The following EPB41L3 variants were observed in gnomAD, a reference collection of about 807,000 sequenced individuals.
The protein encoded by EPB41L3 is band 4.1-like protein 3.
A neutral mutation model predicts 127.1 loss-of-function variants in EPB41L3; 57 were observed. The ratio of observed to expected loss-of-function variants is 0.45; its 90% CI spans 0.36 to 0.56. The LOEUF (loss-of-function observed/expected upper bound fraction) is 0.56, where lower values mean the gene tolerates loss of function less well. EPB41L3 is among the 20% of genes least tolerant of loss of function. The pLI, the probability that EPB41L3 is intolerant of heterozygous loss-of-function variation, is 0.00. For missense variants in EPB41L3, 1,273 were observed against 1,372.2 expected (o/e 0.93, Z 1.14); for synonymous variants, 572 against 549.5 (o/e 1.04, Z -0.57).
chr18:5,484,910 G>A (rs1599611430), intron 2 of EPB41L3, among the ~76,000 whole-genome samples: 1 of 150,490 alleles, frequency 6.6e-6, no homozygotes, highest in African/African-American at 2.4e-5. Flanking sequence ...AACATGTAAA[G>A]AAAACTAATA....
At position 5,543,679 on chromosome 18, in the gene EPB41L3, G is replaced by C. The variant is rs1362281359; in HGVS notation, c.-12+234C>G. ...CTGCGCCGCGGCGGGCGGAGCGGGC[G>C]GGGGGCGCGGCGCGCAGGCTCGGCC... is the stretch of plus-strand genomic sequence containing the variant. On this transcript the variant is annotated intron_variant, in intron 1 of 22. Transcript: ENST00000341928. The surrounding 1 kb of genome is among the most constrained non-coding windows in gnomAD (Gnocchi z 5.2). 1.4e-5 allele frequency among the ~76,000 whole-genome samples: 2 copies of C among 144,578 alleles called. No homozygotes were observed. Among genetic ancestry groups the C allele is most frequent in the Non-Finnish European group, 3.1e-5 (2 of 65,262 alleles). 94.8% of individuals were successfully genotyped at this position (144,578 alleles called of 152,430 possible).
intron 1 of EPB41L3, among the ~76,000 whole-genome samples, chr18:5,618,842 A>G (rs1279201160): frequency 6.6e-6 from 1 of 152,228 alleles, no homozygotes; most frequent in East Asian, 1.9e-4. Context: ...GCCCTAGTAG[A>G]ATGCATGTGC....
intron 3 of EPB41L3, among the ~76,000 whole-genome samples, chr18:5,594,949 C>A (rs1024164748): frequency 6.6e-6 from 1 of 152,168 alleles, no homozygotes; most frequent in African/African-American, 2.4e-5. Flanking sequence ...TGTTAAAAGA[C>A]TATAAGGCAA....
intron 1 of EPB41L3, among the ~76,000 whole-genome samples, chr18:5,536,516 AT>A (rs1433240399): frequency 2.8e-5 from 4 of 144,926 alleles, no homozygotes; most frequent in Admixed American, 1.4e-4. Flanking sequence ...AAAAAAAAAA[AT>A]TTGGCCTGGT....
upstream of EPB41L3, among the ~76,000 whole-genome samples, chr18:5,544,914 A>G (rs2093850125): frequency 6.6e-6 from 1 of 152,198 alleles, no homozygotes; most frequent in Admixed American, 6.5e-5. Context: ...ACATATATAC[A>G]TACTATGTAC....
At chr18:5,574,509 T>G (rs1293005399) in intron 3 of EPB41L3, among the ~76,000 whole-genome samples, 1 of 152,042 alleles carries the variant, frequency 6.6e-6, no homozygotes, top group Non-Finnish European at 1.5e-5. Context: ...CCTAATTTGA[T>G]TCCCTCTGTC....
Position 5,478,245 on chromosome 18 carries a change from A to G in EPB41L3, c.377T>C (p.Val126Ala), listed in dbSNP as rs751193433. The change falls in exon 3 of 23, where the codon GTA becomes GCA. Residue 126 changes from valine (V) to alanine (A), a missense_variant. Val to Ala is a moderately conservative substitution (Grantham distance 64). Coordinates refer to ENST00000341928, the MANE Select transcript of EPB41L3 (RefSeq NM_012307.5). Reference protein sequence around the residue: ...LLDGSEYTCDVEKRSRGQVLF... With the variant: ...LLDGSEYTCDAEKRSRGQVLF... ...AGTCTTAAGACACACACTTACCTCTACATCACAGGTATATTCTGATCCATC... is the reference window on the plus strand; with the variant it reads ...AGTCTTAAGACACACACTTACCTCTGCATCACAGGTATATTCTGATCCATC... 1.2e-6 allele frequency: 2 copies of G among 1,613,570 alleles called. No individual in the cohort carries two copies. Among genetic ancestry groups the G allele is most frequent in the Non-Finnish European group, 1.7e-6 (2 of 1,179,484 alleles).
chr18:5,456,598 C>A (rs1359300805), intron 3 of EPB41L3, among the ~76,000 whole-genome samples: 1 of 152,190 alleles, frequency 6.6e-6, no homozygotes, highest in East Asian at 1.9e-4. Context: ...AAAAAACCTT[C>A]TCAATCATTA....
At chr18:5,407,831 G>A (rs1319134386) in intron 14 of EPB41L3, 95 bp from the exon 15 acceptor site, 27 of 1,131,876 alleles carry the variant, frequency 2.4e-5, no homozygotes, top group Non-Finnish European at 3.6e-5. Flanking sequence ...CTAAATGTGG[G>A]CACGTGTACG....
At chr18:5,512,836 G>C (rs1047966493) in intron 1 of EPB41L3, among the ~76,000 whole-genome samples, 13 of 152,106 alleles carry the variant, frequency 8.5e-5, no homozygotes, top group Admixed American at 6.6e-4. Context: ...CAAGTGGCTG[G>C]CTCTGCAAAC....
intron 2 of EPB41L3, among the ~76,000 whole-genome samples, chr18:5,485,625 T>C (rs1411268217): frequency 6.6e-6 from 1 of 152,048 alleles, no homozygotes; most frequent in African/African-American, 2.4e-5. Context: ...CTGTGAGAAC[T>C]GATAGATGAA....
rs970399770 is a variant in EPB41L3, at chr18:5,572,650, C to T, written c.-306+39690G>A. Reference sequence around the variant, plus strand: ...GTGCAATGGTGTCATCGTGGCTCACCGCAGCCTTGAACTCCTGGGCTCAAG... The same window carrying T: ...GTGCAATGGTGTCATCGTGGCTCACTGCAGCCTTGAACTCCTGGGCTCAAG... On this transcript the variant is annotated intron_variant, in intron 3 of 21. Coordinates refer to the EPB41L3 transcript ENST00000545076. Among the ~76,000 whole-genome samples, 9 of 152,190 alleles carry T rather than the reference C, an allele frequency of 5.9e-5. No homozygotes were observed. The East Asian group carries it at 7.7e-4, about 13-fold the overall frequency.
intron 3 of EPB41L3, among the ~76,000 whole-genome samples, chr18:5,564,905 A>G (rs1188806836): frequency 6.6e-6 from 1 of 152,030 alleles, no homozygotes; most frequent in Non-Finnish European, 1.5e-5. Flanking sequence ...ACTCTACCTG[A>G]TTCGGCTTTT....
At chr18:5,455,248 A>C (rs185384416) in intron 3 of EPB41L3, among the ~76,000 whole-genome samples, 2 of 152,314 alleles carry the variant, frequency 1.3e-5, no homozygotes, top group African/African-American at 4.8e-5. Context: ...AATCCTATTT[A>C]TTCTACAATG....
intron 3 of EPB41L3, among the ~76,000 whole-genome samples, chr18:5,455,655 T>C (rs899988065): frequency 2.6e-5 from 4 of 151,608 alleles, no homozygotes; most frequent in East Asian, 3.9e-4. Context: ...CCTTCATTTG[T>C]TGTAATTTCC....
chr18:5,590,102 G>A (rs1437416528), intron 3 of EPB41L3, among the ~76,000 whole-genome samples: 1 of 152,192 alleles, frequency 6.6e-6, no homozygotes. Flanking sequence ...GGAGAAAGAA[G>A]AAGGACAATA....
chr18:5,427,472 C>T (rs2078352779), intron 9 of EPB41L3, among the ~76,000 whole-genome samples: 2 of 152,170 alleles, frequency 1.3e-5, no homozygotes, highest in Non-Finnish European at 2.9e-5. Context: ...GACTAGTTAA[C>T]AATTCTGATT....
intron 3 of EPB41L3, among the ~76,000 whole-genome samples, chr18:5,559,755 C>T (rs185805326): frequency 1.4e-3 from 176 of 122,616 alleles, no homozygotes; most frequent in African/African-American, 3.5e-3. Context: ...AAAAATCCTA[C>T]GAAAGCTAAA....
chr18:5,429,345 A>C (rs371573899), intron 8 of EPB41L3: 1 of 152,130 alleles, frequency 6.6e-6, no homozygotes, highest in African/African-American at 2.4e-5. Flanking sequence ...GAGACGTTGT[A>C]TCAAGCTTAG....
Sources: gnomAD v4.1 joint callset for allele counts (sites outside exome capture counted in the v4.1 genomes callset) on GRCh38, gnomAD v4.1.1 for gene constraint, Gnocchi (gnomAD v3.1) non-coding constraint, MANE v1.5 for transcripts, NCBI Gene and HGNC (gene_info 2026-07-23, HGNC 2026-07-21) for gene names.